The following VEGFC variants were observed in gnomAD, a reference collection of about 807,000 sequenced individuals.
VEGFC encodes the protein FLT4 ligand DHM.
In VEGFC, 12 loss-of-function variants were observed where a neutral mutation model predicts 46.1. The observed-to-expected ratio is 0.26, with a 90% CI of 0.17 to 0.42. The LOEUF is 0.42. VEGFC is among the 10% of genes least tolerant of loss of function. The pLI is 1.00. For missense variants in VEGFC, 488 were observed against 529.4 expected (o/e 0.92, Z 0.77); for synonymous variants, 232 against 195.5 (o/e 1.19, Z -1.56).
At chr4:176,759,281 C>T (rs1284636756) in intron 1 of VEGFC, among the ~76,000 whole-genome samples, 1 of 151,806 alleles carries the variant, frequency 6.6e-6, no homozygotes, top group Non-Finnish European at 1.5e-5. Context: ...GTACTTTGTT[C>T]AACCATAAAA....
intron 4 of VEGFC, among the ~76,000 whole-genome samples, chr4:176,704,508 G>A (rs949958881): frequency 6.6e-6 from 1 of 152,020 alleles, no homozygotes; most frequent in African/African-American, 2.4e-5. Flanking sequence ...CCCCATATGC[G>A]GTTCCCAAGT....
intron 1 of VEGFC, among the ~76,000 whole-genome samples, chr4:176,767,495 T>C (rs1002647138): frequency 6.6e-6 from 1 of 152,180 alleles, no homozygotes; most frequent in Admixed American, 6.5e-5. Flanking sequence ...GCCCAGCAAT[T>C]TCCAGGGCTG....
At chr4:176,773,871 T>C (rs1579135999) in intron 1 of VEGFC, among the ~76,000 whole-genome samples, 1 of 152,110 alleles carries the variant, frequency 6.6e-6, no homozygotes, top group East Asian at 1.9e-4. Flanking sequence ...TTATTTTTTA[T>C]TTTTGTAGAG....
At chr4:176,703,885 T>C (rs894663137) in intron 4 of VEGFC, among the ~76,000 whole-genome samples, 2 of 152,274 alleles carry the variant, frequency 1.3e-5, no homozygotes, top group Non-Finnish European at 2.9e-5. Flanking sequence ...GGAAATTTAC[T>C]TACCCTTTCT....
intron 1 of VEGFC, among the ~76,000 whole-genome samples, chr4:176,746,739 T>C (rs1735263553): frequency 6.6e-6 from 1 of 152,064 alleles, no homozygotes; most frequent in African/African-American, 2.4e-5. Flanking sequence ...CAAGAGAAAG[T>C]TGATTGCCAT....
intron 1 of VEGFC, among the ~76,000 whole-genome samples, chr4:176,774,940 G>C (rs1735790694): frequency 6.6e-6 from 1 of 152,080 alleles, no homozygotes; most frequent in Non-Finnish European, 1.5e-5. Context: ...AATTGGTCCA[G>C]CCTCAGACTA....
rs531902137 is a variant in VEGFC, at chr4:176,707,771, T to A, written c.704+3728A>T. 1.3e-3 allele frequency among the ~76,000 whole-genome samples: 194 copies of A among 152,216 alleles called. 1 individual carries two copies. The highest frequency in any genetic ancestry group is 2.4e-3 in the Non-Finnish European group (163 of 68,004). The stretch of plus-strand genomic sequence containing the variant: ...CCAAGTGTTTGCAATATATGAGCTA[T>A]GAAATTATGGTGACTAGATGGCTAT... On this transcript the variant is annotated intron_variant, in intron 4 of 6. Transcript: ENST00000618562.
Position 176,786,034 on chromosome 4 carries a change from G to A in VEGFC, c.147+6131C>T, listed in dbSNP as rs149150676. The stretch of plus-strand genomic sequence containing the variant: ...CAATCAGGAGCATATAGAGGAGTTC[G>A]AATACCATATATGGGTGGCCACTGT... On this transcript the variant is annotated intron_variant, in intron 1 of 6. Transcript: ENST00000618562. Among the ~76,000 whole-genome samples, 985 of 152,098 alleles carry A rather than the reference G, an allele frequency of 6.5e-3. 6 individuals are homozygous for A. The highest frequency in any genetic ancestry group is 9.5e-3 in the Non-Finnish European group (648 of 67,980).
intron 4 of VEGFC, among the ~76,000 whole-genome samples, chr4:176,688,886 C>T (rs1467572062): frequency 6.6e-6 from 1 of 152,144 alleles, no homozygotes; most frequent in Admixed American, 6.5e-5. Context: ...TGGAAAACAG[C>T]ATTTTAGAGG....
At chr4:176,713,473 T>C (rs1734650897) in intron 3 of VEGFC, among the ~76,000 whole-genome samples, 1 of 152,108 alleles carries the variant, frequency 6.6e-6, no homozygotes, top group African/African-American at 2.4e-5. Context: ...TTAATAAATT[T>C]ATAAAATTAC....
chr4:176,744,174 T>C (rs939736492), intron 1 of VEGFC, among the ~76,000 whole-genome samples: 1 of 152,168 alleles, frequency 6.6e-6, no homozygotes, highest in East Asian at 1.9e-4. Context: ...TTCTCATTTA[T>C]ATGAATCCAT....
chr4:176,759,707 A>G (rs1735495529), intron 1 of VEGFC, among the ~76,000 whole-genome samples: 1 of 150,612 alleles, frequency 6.6e-6, no homozygotes, highest in African/African-American at 2.4e-5. Context: ...CCATGCATAT[A>G]GCCGAGTTTT....
chr4:176,712,857 T>G (rs1370807357), intron 3 of VEGFC, among the ~76,000 whole-genome samples: 1 of 152,202 alleles, frequency 6.6e-6, no homozygotes, highest in Admixed American at 6.5e-5. Flanking sequence ...TCCTTATATA[T>G]TCATTTAAAA....
intron 1 of VEGFC, among the ~76,000 whole-genome samples, chr4:176,742,075 T>G (rs1735185202): frequency 6.6e-6 from 1 of 151,886 alleles, no homozygotes; most frequent in Admixed American, 6.6e-5. Context: ...CTACAACCCT[T>G]GTTCTCCTCC....
intron 4 of VEGFC, 78 bp from the exon 5 acceptor site, chr4:176,688,005 A>G: frequency 1.4e-6 from 1 of 705,218 alleles, no homozygotes; most frequent in Non-Finnish European, 2.4e-6. Context: ...CATATGTATC[A>G]AAATAATGCT....
At chr4:176,790,908 GTCTGT>G (rs919240080) in intron 1 of VEGFC, among the ~76,000 whole-genome samples, 22 of 152,150 alleles carry the variant, frequency 1.4e-4, no homozygotes, top group African/African-American at 4.8e-4. Flanking sequence ...ACAGAATGCA[GTCTGT>G]TCTATTTCAT....
At chr4:176,711,800 G>C (rs1734624995) in intron 3 of VEGFC, 150 bp from the exon 4 acceptor site, 1 of 683,568 alleles carries the variant, frequency 1.5e-6, no homozygotes, top group Non-Finnish European at 2.3e-6. Context: ...TGATTACAAA[G>C]TAAAAACTGT....
chr4:176,735,720 T>G (rs1366412715), intron 1 of VEGFC, among the ~76,000 whole-genome samples: 4 of 151,862 alleles, frequency 2.6e-5, no homozygotes, highest in African/African-American at 9.7e-5. Context: ...AGTTGGACTC[T>G]GGAGAATTTA....
Position 176,715,711 on chromosome 4 carries a change from C to T in VEGFC, c.553-4061G>A, listed in dbSNP as rs1048111490. On this transcript the variant is annotated intron_variant, in intron 3 of 6. Coordinates refer to ENST00000618562, the MANE Select transcript of VEGFC (RefSeq NM_005429.5). ...ATAGCTATATTTAATCCCTACGTTA[C>T]TAAGAATTTCCGTAAGCTTTTTTTC... Among the ~76,000 whole-genome samples the T allele has an allele frequency of 3.8e-4, 57 of 150,088 alleles. 1 individual carries two copies. Among genetic ancestry groups the T allele is most frequent in the Non-Finnish European group, 8.8e-5 (6 of 67,978 alleles).
Sources: gnomAD v4.1 joint callset for allele counts (sites outside exome capture counted in the v4.1 genomes callset) on GRCh38, gnomAD v4.1.1 for gene constraint, MANE v1.5 for transcripts, NCBI Gene and HGNC (gene_info 2026-07-23, HGNC 2026-07-21) for gene names.